Variants in HLA-DRB1 observed in about 807,000 individuals in gnomAD.
HLA-DRB1 encodes the protein major histocompatibility complex, class II, DR beta 1.
A neutral mutation model predicts 27.9 loss-of-function variants in HLA-DRB1; 10 were observed. That is an observed-to-expected ratio of 0.36 (90% confidence interval 0.22 to 0.61). The LOEUF (loss-of-function observed/expected upper bound fraction) is 0.61, where lower values mean the gene tolerates loss of function less well. HLA-DRB1 is among the 20% of genes least tolerant of loss of function. HLA-DRB1 has a pLI of 0.73. For missense variants in HLA-DRB1, 118 were observed against 306.3 expected, an observed-to-expected ratio of 0.39 and a Z score of 4.59; for synonymous variants, 57 against 126.7, an observed-to-expected ratio of 0.45 and a Z score of 3.69.
chr6:32,584,168 AC>A lies in HLA-DRB1; in HGVS notation c.310del (p.Val104TrpfsTer25). 1.6e-6 allele frequency: 2 copies of A among 1,262,160 alleles called. 1 individual carries two copies. The highest frequency in any genetic ancestry group is 2.4e-5 in the South Asian group (2 of 82,076). The allele number at this position is 1,262,160 out of a possible 1,614,324, so 78.2% of individuals were successfully genotyped here. A position where few individuals can be genotyped will look rare whatever the true frequency, so the allele number is the denominator to read the frequency against. On this transcript the variant is annotated frameshift_variant, in exon 2 of 6. Coordinates refer to ENST00000360004, the Ensembl canonical transcript of HLA-DRB1. LOFTEE classifies it high-confidence loss of function. ...GTAGTTGTGTCTGCAGTAGGTGTCC[AC>A]CGCGGCCCGCGCCTGCTCCAGGATG... is the stretch of plus-strand genomic sequence containing the variant.
At chr6:32,586,879 C>T (rs201060583) in intron 1 of HLA-DRB1, among the ~76,000 whole-genome samples, 2 of 109,568 alleles carry the variant, frequency 1.8e-5, no homozygotes, top group East Asian at 5.6e-4. Flanking sequence ...TGTTCTACCC[C>T]CTTTACAGTA....
intron 1 of HLA-DRB1, among the ~76,000 whole-genome samples, chr6:32,585,232 C>T (rs34232590): frequency 0.16 from 13,137 of 83,798 alleles, 3,457 homozygotes; most frequent in Non-Finnish European, 0.17. Context: ...GCATTTCTGT[C>T]CCCACTCTAA....
chr6:32,586,942 T>A (rs72850296), intron 1 of HLA-DRB1, among the ~76,000 whole-genome samples: 1 of 97,930 alleles, frequency 1.0e-5, no homozygotes, highest in Non-Finnish European at 2.1e-5. Context: ...ACTTTATCTT[T>A]TTCACCATCT....
chr6:32,582,649 G>A (rs9269858), intron 2 of HLA-DRB1, among the ~76,000 whole-genome samples: 26,364 of 56,782 alleles, frequency 0.46, 8,058 homozygotes, highest in Middle Eastern at 0.78. Flanking sequence ...AGAAGGATTA[G>A]GGAACGTCAT....
rs557037162 is a variant in HLA-DRB1 at position 32,589,143 on chromosome 6, G to T, written c.100+500C>A. Among the ~76,000 whole-genome samples, 537 of 124,386 alleles carry T rather than the reference G, an allele frequency of 4.3e-3. No individual in the cohort carries two copies. The East Asian group carries it at 0.05, about 12-fold the overall frequency. The allele number at this position is 124,386 out of a possible 152,430, so 81.6% of individuals were successfully genotyped here. A position where few individuals can be genotyped will look rare whatever the true frequency, so the allele number is the denominator to read the frequency against. On this transcript the variant is annotated intron_variant, in intron 1 of 5. Coordinates refer to ENST00000360004, the Ensembl canonical transcript of HLA-DRB1. Reference sequence around the variant, plus strand: ...CATTGGAGTTCAGCAAGAAAAGAAAGGAGATAATGGGGAGGCCACTGGGTC... The same window carrying T: ...CATTGGAGTTCAGCAAGAAAAGAAATGAGATAATGGGGAGGCCACTGGGTC...
intron 1 of HLA-DRB1, among the ~76,000 whole-genome samples, chr6:32,589,429 G>GGCCTGT (rs1777026443): frequency 3.5e-5 from 3 of 85,536 alleles, no homozygotes; most frequent in South Asian, 4.1e-4. Flanking sequence ...GAAAAGAAAT[G>GGCCTGT]ATTTGTGCAA....
chr6:32,580,523 C>T (rs35029985), intron 4 of HLA-DRB1, among the ~76,000 whole-genome samples: 114 of 111,250 alleles, frequency 1.0e-3, no homozygotes, highest in Middle Eastern at 4.4e-3. Flanking sequence ...CCAAAGGACC[C>T]CTACTTGTTA....
chr6:32,583,733 T>TTC (rs1335514489), intron 2 of HLA-DRB1, among the ~76,000 whole-genome samples: 4 of 41,696 alleles, frequency 9.6e-5, no homozygotes, highest in Admixed American at 2.9e-4. Flanking sequence ...ACACCTTACA[T>TTC]TTCCCTTCCC....
rs118126743 is a variant in HLA-DRB1, at chr6:32,578,854, T to C, written c.*237A>G. ...CAGATGCACGGGAGGCCATACGGTTTAGGCAAAGGGGAGCACAAAAGTTGA... is the reference window on the plus strand; with the variant it reads ...CAGATGCACGGGAGGCCATACGGTTCAGGCAAAGGGGAGCACAAAAGTTGA... On this transcript the variant is annotated 3_prime_UTR_variant, in exon 6 of 6. Transcript: ENST00000360004. 0.03 allele frequency: 12,527 copies of C among 414,488 alleles called. 2,560 individuals are homozygous for C. Among genetic ancestry groups the C allele is most frequent in the East Asian group, 0.16 (2,765 of 17,758 alleles). The allele number at this position is 414,488 out of a possible 1,614,324, so 25.7% of individuals were successfully genotyped here.
exon 6 of HLA-DRB1, chr6:32,578,849 C>G (rs1064715): frequency 0.56 from 202,483 of 360,574 alleles, 70,602 homozygotes; most frequent in Middle Eastern, 0.71. Flanking sequence ...GGAGGCCATA[C>G]GGTTTAGGCA....
intron 1 of HLA-DRB1, among the ~76,000 whole-genome samples, chr6:32,585,253 G>A (rs1221107989): frequency 2.5e-3 from 193 of 77,256 alleles, no homozygotes; most frequent in East Asian, 8.4e-3. Flanking sequence ...GAAACAGCCT[G>A]GTACATATGA....
intron 1 of HLA-DRB1, among the ~76,000 whole-genome samples, chr6:32,586,338 A>C (rs9270072): frequency 0.65 from 42,642 of 65,552 alleles, 16,634 homozygotes; most frequent in Middle Eastern, 0.76. Context: ...CCAGTTTCCT[A>C]CCTGGATGCT....
intron 2 of HLA-DRB1, among the ~76,000 whole-genome samples, chr6:32,582,233 T>C (rs28723981): frequency 0.4 from 52,600 of 132,674 alleles, 12,994 homozygotes; most frequent in Middle Eastern, 0.51. Context: ...CTTTGTCACC[T>C]ACAATGAAGG....
At chr6:32,579,743 C>T (rs1775189863) in intron 5 of HLA-DRB1, among the ~76,000 whole-genome samples, 1 of 61,120 alleles carries the variant, frequency 1.6e-5, no homozygotes. Flanking sequence ...GTCCATTTTA[C>T]AAACATCCAG....
intron 1 of HLA-DRB1, among the ~76,000 whole-genome samples, chr6:32,585,453 G>T (rs1374386498): frequency 7.2e-6 from 1 of 137,972 alleles, no homozygotes. Context: ...ATCCTCACAG[G>T]ATTACCGTTA....
intron 1 of HLA-DRB1, among the ~76,000 whole-genome samples, chr6:32,585,407 T>A: frequency 7.1e-6 from 1 of 140,946 alleles, no homozygotes; most frequent in Admixed American, 7.3e-5. Context: ...CCATAAGCCT[T>A]TTTGTAATCT....
At chr6:32,582,450 C>A (rs36218421) in intron 2 of HLA-DRB1, among the ~76,000 whole-genome samples, 14,893 of 117,320 alleles carry the variant, frequency 0.13, 1,793 homozygotes, top group Non-Finnish European at 0.13. Context: ...TGATTTAAAG[C>A]AATATGCATA....
intron 1 of HLA-DRB1, among the ~76,000 whole-genome samples, chr6:32,588,026 T>C (rs9270179): frequency 0.042 from 5,068 of 121,600 alleles, 111 homozygotes; most frequent in Middle Eastern, 0.083. Context: ...CTCTTTCATT[T>C]TAATGTCACA....
At chr6:32,579,164 C>G in intron 5 of HLA-DRB1, 60 bp from the exon 6 acceptor site, 1 of 609,232 alleles carries the variant, frequency 1.6e-6, no homozygotes, top group Non-Finnish European at 2.3e-6. Context: ...TTTCTTTTCC[C>G]CTCTTTCAAG....
Sources: gnomAD v4.1 joint callset for allele counts (sites outside exome capture counted in the v4.1 genomes callset) on GRCh38, gnomAD v4.1.1 for gene constraint, MANE v1.5 for transcripts, NCBI Gene and HGNC (gene_info 2026-07-23, HGNC 2026-07-21) for gene names.